AGBL1: variants seen among roughly 807,000 people sequenced by gnomAD.
The protein encoded by AGBL1 is AGBL carboxypeptidase 1, also known as cytosolic carboxypeptidase 4.
AGBL1 carries 130 observed loss-of-function variants against 118.9 expected under a neutral mutation model. That is an observed-to-expected ratio of 1.09 (90% CI 0.95 to 1.26). The LOEUF (loss-of-function observed/expected upper bound fraction) is 1.26. Ranked by LOEUF, AGBL1 falls within the 50% of genes most tolerant of loss-of-function variation. AGBL1 has a pLI of 0.00. For synonymous variants in AGBL1, 555 were observed against 478.9 expected, an observed-to-expected ratio of 1.16 and a Z score of -2.08; for missense variants, 1,584 against 1,298.1, an observed-to-expected ratio of 1.22 and a Z score of -3.38.
At chr15:86,644,108 A>G (rs1008694943) in intron 21 of AGBL1, among the ~76,000 whole-genome samples, 1 of 152,224 alleles carries the variant, frequency 6.6e-6, no homozygotes, top group Admixed American at 6.5e-5. Context: ...TTCACTTTAT[A>G]TGCTGATTAT....
chr15:86,224,974 G>A (rs746033028), intron 6 of AGBL1, 23 bp downstream of exon 6: 41 of 1,611,884 alleles, frequency 2.5e-5, no homozygotes, highest in South Asian at 3.3e-5. Context: ...TTTGAAGGGT[G>A]GCTATTTCTC....
chr15:86,343,880 C>T (rs1405794284), intron 17 of AGBL1, among the ~76,000 whole-genome samples: 5 of 152,174 alleles, frequency 3.3e-5, no homozygotes, highest in African/African-American at 7.2e-5. Flanking sequence ...TGAAATATGG[C>T]CCCTGAAGGC....
At chr15:86,601,938 T>C (rs74556366) in intron 21 of AGBL1, among the ~76,000 whole-genome samples, 1,995 of 152,298 alleles carry the variant, frequency 0.013, 25 homozygotes, top group Non-Finnish European at 0.017. Flanking sequence ...CTTAACCATA[T>C]ACTCTTTCCA....
At chr15:86,486,339 A>T (rs775485961) in intron 18 of AGBL1, among the ~76,000 whole-genome samples, 1 of 152,108 alleles carries the variant, frequency 6.6e-6, no homozygotes, top group South Asian at 2.1e-4. Flanking sequence ...GGTTCAGGAT[A>T]TAAGTCCCTC....
At chr15:86,692,757 C>T (rs893356580) in intron 22 of AGBL1, among the ~76,000 whole-genome samples, 3 of 152,098 alleles carry the variant, frequency 2.0e-5, no homozygotes, top group Non-Finnish European at 2.9e-5. Context: ...TCCCTCATCC[C>T]CCTCACACCA....
intron 16 of AGBL1, among the ~76,000 whole-genome samples, chr15:86,284,127 C>A (rs918537929): frequency 1.3e-5 from 2 of 149,368 alleles, no homozygotes; most frequent in African/African-American, 2.5e-5. Flanking sequence ...TGATGATGTG[C>A]GATTATTTTC....
intron 22 of AGBL1, among the ~76,000 whole-genome samples, chr15:86,715,496 T>A (rs1368022465): frequency 6.6e-6 from 1 of 152,214 alleles, no homozygotes; most frequent in Non-Finnish European, 1.5e-5. Context: ...TCATGGTGAT[T>A]TAGTCTTATT....
chr15:86,716,345 T>G (rs192151226), intron 22 of AGBL1, among the ~76,000 whole-genome samples: 7 of 151,854 alleles, frequency 4.6e-5, no homozygotes, highest in Admixed American at 2.0e-4. Context: ...GGCTCGGAAG[T>G]GTAGTGGGGT....
At chr15:86,276,953 G>T (rs576199912) in intron 15 of AGBL1, among the ~76,000 whole-genome samples, 3 of 152,100 alleles carry the variant, frequency 2.0e-5, no homozygotes, top group Admixed American at 6.5e-5. Context: ...AAGTTTAAAG[G>T]CCTCTGCAGA....
At chr15:86,998,619 T>C (rs1447295251) in intron 24 of AGBL1, among the ~76,000 whole-genome samples, 2 of 152,176 alleles carry the variant, frequency 1.3e-5, no homozygotes, top group Admixed American at 6.5e-5. Flanking sequence ...GTTAATTTGT[T>C]ATATGGCAAT....
intron 24 of AGBL1, among the ~76,000 whole-genome samples, chr15:87,014,065 G>C (rs1054335012): frequency 6.6e-6 from 1 of 152,082 alleles, no homozygotes; most frequent in African/African-American, 2.4e-5. Flanking sequence ...AATAATAAAT[G>C]ATAGACACTT....
chr15:86,649,585 T>A (rs1262921508), intron 21 of AGBL1, among the ~76,000 whole-genome samples: 2 of 152,294 alleles, frequency 1.3e-5, no homozygotes, highest in African/African-American at 2.4e-5. Flanking sequence ...TATGCAAATA[T>A]GTGATTAGAT....
At chr15:86,454,765 CTT>C (rs2082239775) in intron 18 of AGBL1, among the ~76,000 whole-genome samples, 2 of 152,060 alleles carry the variant, frequency 1.3e-5, no homozygotes, top group South Asian at 4.1e-4. Flanking sequence ...CATAAGGAAA[CTT>C]TTTGAGGTGA....
chr15:86,753,415 T>TTTTTTTTTTTTTTTTTC (rs35941815), intron 22 of AGBL1, among the ~76,000 whole-genome samples: 1 of 139,746 alleles, frequency 7.2e-6, no homozygotes, highest in Admixed American at 7.4e-5. Flanking sequence ...TTTTTTTTTT[T>TTTTTTTTTTTTTTTTTC]GAGACAGAGT....
chr15:86,325,616 G>A lies in AGBL1; in HGVS notation c.2374+30208G>A, dbSNP rs1045707058. On this transcript the variant is annotated intron_variant, in intron 17 of 22. Coordinates refer to ENST00000614907, the MANE Select transcript of AGBL1 (RefSeq NM_001386094.1). ...GCCTGGCATTGTTATATCACCGAGTGGGCCAGCTCCACAGCCCAATCAATA... is the reference window on the plus strand; with the variant it reads ...GCCTGGCATTGTTATATCACCGAGTAGGCCAGCTCCACAGCCCAATCAATA... 4.0e-4 allele frequency among the ~76,000 whole-genome samples: 61 copies of A among 152,242 alleles called. 2 individuals carry two copies. The highest frequency in any genetic ancestry group is 1.8e-3 in the Admixed American group (28 of 15,292).
chr15:86,474,484 C>G (rs1177848671), intron 18 of AGBL1, among the ~76,000 whole-genome samples: 1 of 152,228 alleles, frequency 6.6e-6, no homozygotes, highest in Admixed American at 6.5e-5. Context: ...ATTGCCAGCA[C>G]AGCAGTCTGA....
chr15:86,490,777 C>T (rs1016812527), intron 18 of AGBL1, among the ~76,000 whole-genome samples: 2 of 152,072 alleles, frequency 1.3e-5, no homozygotes, highest in Non-Finnish European at 2.9e-5. Context: ...TCAGTGGCAC[C>T]TGCTGTATTA....
At chr15:86,562,382 C>A (rs1288692114) in intron 21 of AGBL1, among the ~76,000 whole-genome samples, 3 of 152,210 alleles carry the variant, frequency 2.0e-5, no homozygotes, top group Non-Finnish European at 4.4e-5. Flanking sequence ...AAGGCCTTTT[C>A]TGCATCTATT....
intron 5 of AGBL1, among the ~76,000 whole-genome samples, chr15:86,206,812 T>G (rs1394078070): frequency 6.6e-6 from 1 of 152,216 alleles, no homozygotes; most frequent in Non-Finnish European, 1.5e-5. Context: ...CTCTATAGTT[T>G]CATTAGATCC....
Sources: allele counts gnomAD v4.1 joint callset (sites outside exome capture counted in the v4.1 genomes callset), GRCh38; gene constraint gnomAD v4.1.1; transcripts MANE v1.5; gene names NCBI Gene and HGNC (gene_info 2026-07-23, HGNC 2026-07-21).